IMMP2L: variants seen among roughly 807,000 people sequenced by gnomAD.
IMMP2L encodes the protein mitochondrial inner membrane protease subunit 2.
In IMMP2L, 18 loss-of-function variants were observed where a neutral mutation model predicts 19.3. The observed-to-expected ratio is 0.93, with a 90% CI of 0.64 to 1.38. The LOEUF is 1.38. IMMP2L is among the 40% of genes most tolerant of loss of function. The pLI is 0.00. For synonymous variants in IMMP2L, 76 were observed against 73.0 expected (o/e 1.04, Z -0.21); for missense variants, 233 against 218.2 (o/e 1.07, Z -0.43).
intron 5 of IMMP2L, among the ~76,000 whole-genome samples, chr7:110,859,481 G>C (rs73196819): frequency 6.6e-6 from 1 of 151,742 alleles, no homozygotes; most frequent in Non-Finnish European, 1.5e-5. Context: ...GGTGGCTCAC[G>C]ACTGTAATCC....
chr7:110,680,462 G>C (rs577988834), intron 5 of IMMP2L, among the ~76,000 whole-genome samples: 79 of 152,198 alleles, frequency 5.2e-4, no homozygotes, highest in Middle Eastern at 3.4e-3. Flanking sequence ...AAATTGTGTT[G>C]TTGAAGACAA....
chr7:111,180,679 C>A (rs1188070248), intron 3 of IMMP2L, among the ~76,000 whole-genome samples: 2 of 151,986 alleles, frequency 1.3e-5, no homozygotes, highest in African/African-American at 4.8e-5. Flanking sequence ...CAGTGAAGCA[C>A]AATAAAATGA....
chr7:110,814,242 T>C (rs992340383), intron 5 of IMMP2L, among the ~76,000 whole-genome samples: 9 of 151,960 alleles, frequency 5.9e-5, no homozygotes, highest in African/African-American at 2.2e-4. Flanking sequence ...GAATGGTGTA[T>C]AATGTTTTTA....
chr7:111,200,571 A>G (rs1463077136), intron 3 of IMMP2L, among the ~76,000 whole-genome samples: 1 of 151,132 alleles, frequency 6.6e-6, no homozygotes, highest in East Asian at 1.9e-4. Context: ...GGAAGGTATT[A>G]TTTCTGCCCG....
chr7:110,679,773 G>A (rs1309226440), intron 5 of IMMP2L, among the ~76,000 whole-genome samples: 1 of 152,138 alleles, frequency 6.6e-6, no homozygotes. Context: ...AAAATAAAAG[G>A]AGAGAGGCTT....
chr7:110,806,892 TC>T (rs2131248518), intron 5 of IMMP2L, among the ~76,000 whole-genome samples: 1 of 152,068 alleles, frequency 6.6e-6, no homozygotes, highest in East Asian at 1.9e-4. Context: ...GTTAAATATT[TC>T]CTTAGGATGA....
At position 111,268,569 on chromosome 7, in the gene IMMP2L, C is replaced by CTTTTTTTTTTTTTTTTTTTT. The variant is rs762576425; in HGVS notation, c.239+218649_239+218668dup. On this transcript the variant is annotated intron_variant, in intron 3 of 5. Coordinates refer to ENST00000405709, the MANE Select transcript of IMMP2L (RefSeq NM_032549.4). ...GATATGAGTTAAACTTCACATTTCT[C>CTTTTTTTTTTTTTTTTTTTT]TTTTTTTTTTTTTTTTTTTTTTTTT... is the stretch of plus-strand genomic sequence containing the variant. Among the ~76,000 whole-genome samples, 7 of 44,592 alleles carry CTTTTTTTTTTTTTTTTTTTT rather than the reference C, an allele frequency of 1.6e-4. 2 individuals are homozygous for CTTTTTTTTTTTTTTTTTTTT. The highest frequency in any genetic ancestry group is 3.1e-4 in the African/African-American group (3 of 9,822). 29.3% of individuals were successfully genotyped at this position (44,592 alleles called of 152,430 possible).
chr7:110,837,921 G>A (rs1473638771), intron 5 of IMMP2L, among the ~76,000 whole-genome samples: 1 of 152,076 alleles, frequency 6.6e-6, no homozygotes, highest in African/African-American at 2.4e-5. Context: ...TTATATGTTG[G>A]GGATGGCTCT....
Position 111,427,595 on chromosome 7 carries a change from G to C in IMMP2L, c.239+59643C>G, listed in dbSNP as rs751974791. On this transcript the variant is annotated intron_variant, in intron 3 of 5. Transcript: ENST00000405709. ...AGCTATAACTTTGAGATGCAATTAA[G>C]TGATCCAACTCAATAAACCTTAAAC... Among the ~76,000 whole-genome samples the C allele has an allele frequency of 2.2e-4, 34 of 151,764 alleles. 1 individual carries two copies. Among genetic ancestry groups the C allele is most frequent in the Non-Finnish European group, 3.8e-4 (26 of 67,974 alleles).
chr7:110,678,433 A>T (rs757010373), intron 5 of IMMP2L, among the ~76,000 whole-genome samples: 5 of 152,200 alleles, frequency 3.3e-5, no homozygotes, highest in African/African-American at 7.2e-5. Context: ...TGATATTAAC[A>T]TCTTTAAATA....
intron 5 of IMMP2L, among the ~76,000 whole-genome samples, chr7:110,840,664 C>T (rs1366537065): frequency 6.6e-6 from 1 of 151,958 alleles, no homozygotes; most frequent in Non-Finnish European, 1.5e-5. Flanking sequence ...AACATTTTAA[C>T]AAGATTTTAG....
intron 3 of IMMP2L, among the ~76,000 whole-genome samples, chr7:111,351,440 C>T (rs893759922): frequency 3.3e-5 from 5 of 152,126 alleles, no homozygotes; most frequent in African/African-American, 1.2e-4. Flanking sequence ...CTGCCCACCT[C>T]AGCCTCCCAA....
At chr7:111,234,926 TTATTTTTTAC>T (rs1217497494) in intron 3 of IMMP2L, among the ~76,000 whole-genome samples, 1 of 152,178 alleles carries the variant, frequency 6.6e-6, no homozygotes, top group East Asian at 1.9e-4. Flanking sequence ...TATATTTTTA[TTATTTTTTAC>T]TTAAACAGTC....
chr7:111,058,033 T>A (rs1586004952), intron 3 of IMMP2L, among the ~76,000 whole-genome samples: 1 of 152,302 alleles, frequency 6.6e-6, no homozygotes, highest in Non-Finnish European at 1.5e-5. Context: ...CCCATCACAA[T>A]AGAAAGGCCT....
chr7:110,879,504 T>A (rs570195287), intron 5 of IMMP2L, among the ~76,000 whole-genome samples: 2 of 152,296 alleles, frequency 1.3e-5, no homozygotes, highest in African/African-American at 4.8e-5. Context: ...ACTTGGTGTC[T>A]TTGTATACTC....
At chr7:110,716,603 C>A (rs1184057946) in intron 5 of IMMP2L, among the ~76,000 whole-genome samples, 1 of 152,104 alleles carries the variant, frequency 6.6e-6, no homozygotes, top group African/African-American at 2.4e-5. Flanking sequence ...AATTTCTTTT[C>A]TTTAAGAATG....
intron 3 of IMMP2L, among the ~76,000 whole-genome samples, chr7:111,099,709 A>G (rs764197449): frequency 1.1e-4 from 16 of 151,484 alleles, no homozygotes; most frequent in South Asian, 6.2e-4. Context: ...TTTTTTTTTG[A>G]AAGTTATAAG....
chr7:111,560,243 T>C (rs1171541443), intron 1 of IMMP2L, among the ~76,000 whole-genome samples: 1 of 152,096 alleles, frequency 6.6e-6, no homozygotes, highest in African/African-American at 2.4e-5. Flanking sequence ...AACTTTTTTT[T>C]GACTTTTTAT....
At position 110,886,619 on chromosome 7, in the gene IMMP2L, T is replaced by C; in HGVS notation, c.382A>G (p.Ser128Gly). Residue 128 changes from serine to glycine, a missense_variant, in exon 5 of 6, where the codon AGT (serine) becomes GGT (glycine). Physicochemically the swap from Ser to Gly is moderately conservative, Grantham distance 56. Transcript: ENST00000405709. ...GGCCCAAAAGAATTACTGTCAAAAC[T>C]GTGTCCATGATGATCACCTTCAACC... is the stretch of plus-strand genomic sequence containing the variant. ...IWVEGDHHGH[S>G]FDSNSFGPVS... 6.2e-7 allele frequency: 1 copy of C among 1,604,558 alleles called. No homozygotes were observed. Among genetic ancestry groups the C allele is most frequent in the Non-Finnish European group, 8.5e-7 (1 of 1,171,426 alleles).
Sources: gnomAD v4.1 joint callset for allele counts (sites outside exome capture counted in the v4.1 genomes callset) on GRCh38, gnomAD v4.1.1 for gene constraint, MANE v1.5 for transcripts, NCBI Gene and HGNC (gene_info 2026-07-23, HGNC 2026-07-21) for gene names.